Variants in LYPD6B observed in about 807,000 individuals in gnomAD.
The protein encoded by LYPD6B is LY6/PLAUR domain containing 6B.
A neutral mutation model predicts 22.8 loss-of-function variants in LYPD6B; 17 were observed. That is an observed-to-expected ratio of 0.75 (90% CI 0.51 to 1.12). The LOEUF is 1.12. Among genes scored for constraint, LYPD6B ranks in the 50% most tolerant of loss-of-function variants. The pLI is 0.00. For synonymous variants in LYPD6B, 106 were observed against 91.6 expected (o/e 1.16, Z -0.90); for missense variants, 221 against 258.3 (o/e 0.86, Z 0.99).
intron 4 of LYPD6B, among the ~76,000 whole-genome samples, chr2:149,207,320 T>C (rs1478109144): frequency 2.0e-5 from 3 of 152,174 alleles, no homozygotes; most frequent in African/African-American, 7.2e-5. Context: ...TGCTTTCTGG[T>C]TTTCACCCCA....
intron 3 of LYPD6B, among the ~76,000 whole-genome samples, chr2:149,192,118 A>C (rs1331362002): frequency 6.6e-6 from 1 of 152,164 alleles, no homozygotes; most frequent in Non-Finnish European, 1.5e-5. Flanking sequence ...GGCAGATCAC[A>C]GGTCTGGACA....
At chr2:149,072,531 T>TATTTTATTTC (rs1213023598) in intron 1 of LYPD6B, among the ~76,000 whole-genome samples, 61 of 126,740 alleles carry the variant, frequency 4.8e-4, no homozygotes, top group Non-Finnish European at 9.0e-4. Flanking sequence ...TATTTTATTT[T>TATTTTATTTC]ATTTCATTTT....
At chr2:149,106,905 C>A (rs114938565) in intron 1 of LYPD6B, among the ~76,000 whole-genome samples, 1 of 151,806 alleles carries the variant, frequency 6.6e-6, no homozygotes, top group South Asian at 2.1e-4. Context: ...TTTTTCAATA[C>A]CAATACAGCA....
chr2:149,208,299 C>T lies in LYPD6B; in HGVS notation c.230-15C>T, dbSNP rs766065746. On this transcript the variant is annotated splice_polypyrimidine_tract_variant and intron_variant, in intron 4 of 6. Coordinates refer to ENST00000409642, the MANE Select transcript of LYPD6B (RefSeq NM_177964.5). ...TTCTGTAGCTTACTGTTTCACTTTG[C>T]TTTTTTCTTTAAAGCTACACCATTT... is the stretch of plus-strand genomic sequence containing the variant. The T allele has an allele frequency of 1.9e-6, 3 of 1,607,226 alleles. No individual in the cohort carries two copies. Among genetic ancestry groups the T allele is most frequent in the Non-Finnish European group, 2.6e-6 (3 of 1,174,328 alleles).
At chr2:149,119,108 C>T (rs920506288) in intron 1 of LYPD6B, 3 of 152,100 alleles carry the variant, frequency 2.0e-5, no homozygotes, top group African/African-American at 4.8e-5. Flanking sequence ...CTCAGATTAT[C>T]GCGGAACACC....
intron 1 of LYPD6B, among the ~76,000 whole-genome samples, chr2:149,079,476 G>T (rs748977885): frequency 1.3e-5 from 2 of 152,124 alleles, no homozygotes; most frequent in African/African-American, 4.8e-5. Context: ...GGACACTGTC[G>T]TGCAAGGTTT....
At chr2:149,158,104 T>C (rs1689821754) in intron 2 of LYPD6B, among the ~76,000 whole-genome samples, 1 of 152,226 alleles carries the variant, frequency 6.6e-6, no homozygotes, top group African/African-American at 2.4e-5. Flanking sequence ...AACAGACTTT[T>C]GTTTTCTTGC....
At chr2:149,207,885 T>TA (rs939875319) in intron 4 of LYPD6B, among the ~76,000 whole-genome samples, 4 of 152,212 alleles carry the variant, frequency 2.6e-5, no homozygotes, top group South Asian at 2.1e-4. Flanking sequence ...CTTAGAATTT[T>TA]AAAAAATCAC....
chr2:149,205,437 G>C, intron 4 of LYPD6B, 33 bp downstream of exon 4: 1 of 1,608,536 alleles, frequency 6.2e-7, no homozygotes, highest in Non-Finnish European at 8.5e-7. Flanking sequence ...CTAGTTCATG[G>C]CTGTGGGGCC....
intron 1 of LYPD6B, among the ~76,000 whole-genome samples, chr2:149,076,353 A>C (rs755709301): frequency 3.0e-4 from 45 of 152,214 alleles, no homozygotes; most frequent in Non-Finnish European, 4.4e-4. Context: ...TGCAGCATAT[A>C]ATAAGAAGTG....
rs188769127 is a variant in LYPD6B at position 149,208,148 on chromosome 2, C to T, written c.230-166C>T. Among the ~76,000 whole-genome samples, 346 of 152,238 alleles carry T rather than the reference C, an allele frequency of 2.3e-3. 3 individuals carry two copies. Among genetic ancestry groups the T allele is most frequent in the African/African-American group, 7.8e-3 (323 of 41,542 alleles). On this transcript the variant is annotated intron_variant, in intron 4 of 6. Coordinates refer to ENST00000409642, the MANE Select transcript of LYPD6B (RefSeq NM_177964.5). ...AACAAAAGGGAATAAAGAAAATTCC[C>T]CAAAAGCCTGATGAGTAAATCTAGC...
At chr2:149,072,577 C>T (rs905162528) in intron 1 of LYPD6B, among the ~76,000 whole-genome samples, 2 of 143,768 alleles carry the variant, frequency 1.4e-5, no homozygotes, top group African/African-American at 5.0e-5. Context: ...CACTCTGTTG[C>T]CCAGGCTGGA....
At position 149,214,560 on chromosome 2, in the gene LYPD6B, C is replaced by T. The variant is rs549502137; in HGVS notation, c.474C>T (p.Cys158=). Residue 158 remains cysteine (C), a synonymous_variant, in exon 7 of 7, where the codon TGC becomes TGT. Coordinates refer to ENST00000409642, the MANE Select transcript of LYPD6B (RefSeq NM_177964.5). ...TTTTGTAACAGGAGTGTAGGTCTTG[C>T]TGTGAAGGAATGATCTGCAATGTAG... The part of the protein sequence containing the change: ...RDSEHTECRS[C]CEGMICNVEL... The T allele has an allele frequency of 1.7e-5, 28 of 1,610,674 alleles. No individual in the cohort carries two copies. The South Asian group carries it at 3.0e-4, about 17-fold the overall frequency.
At chr2:149,213,155 C>G in intron 6 of LYPD6B, 33 bp downstream of exon 6, 14 of 1,610,872 alleles carry the variant, frequency 8.7e-6, no homozygotes, top group Non-Finnish European at 1.2e-5. Flanking sequence ...ATTGTCTAAA[C>G]TTTCATCCTA....
rs16826561 is a variant in LYPD6B at position 149,102,515 on chromosome 2, T to C, written c.-66-28368T>C. Reference sequence around the variant, plus strand: ...CCATAAGCAAAAGCTGAGGAATCAATTGGGGGATTTTGAATTCCTGAGGGT... The same window carrying C: ...CCATAAGCAAAAGCTGAGGAATCAACTGGGGGATTTTGAATTCCTGAGGGT... On this transcript the variant is annotated intron_variant, in intron 1 of 6. Transcript: ENST00000409642. Among the ~76,000 whole-genome samples, 4,497 of 152,280 alleles carry C rather than the reference T, an allele frequency of 0.03. 327 individuals are homozygous for C. In the East Asian group the frequency reaches 0.31, roughly 10 times the overall value.
At chr2:149,057,009 G>T (rs1242881856) in intron 1 of LYPD6B, among the ~76,000 whole-genome samples, 1 of 152,162 alleles carries the variant, frequency 6.6e-6, no homozygotes, top group East Asian at 1.9e-4. Context: ...TAACTAGGAT[G>T]CCTGCAAAGT....
At chr2:149,122,778 T>C (rs1687458109) in intron 1 of LYPD6B, among the ~76,000 whole-genome samples, 1 of 152,184 alleles carries the variant, frequency 6.6e-6, no homozygotes, top group Non-Finnish European at 1.5e-5. Context: ...TGAACATTTA[T>C]GGACTTTGGG....
At chr2:149,194,852 C>G (rs1692709995) in intron 3 of LYPD6B, among the ~76,000 whole-genome samples, 1 of 152,166 alleles carries the variant, frequency 6.6e-6, no homozygotes, top group Non-Finnish European at 1.5e-5. Flanking sequence ...AGTTCATTTC[C>G]CTTTCACCGA....
chr2:149,192,928 GA>G (rs1447403299), intron 3 of LYPD6B, among the ~76,000 whole-genome samples: 1 of 152,128 alleles, frequency 6.6e-6, no homozygotes, highest in Non-Finnish European at 1.5e-5. Context: ...GGCTTTTGGG[GA>G]GTGTTAAGTG....
Sources: allele counts gnomAD v4.1 joint callset (sites outside exome capture counted in the v4.1 genomes callset), GRCh38; gene constraint gnomAD v4.1.1; transcripts MANE v1.5; gene names NCBI Gene and HGNC (gene_info 2026-07-23, HGNC 2026-07-21).